The following RIMOC1 variants were observed in gnomAD, a reference collection of about 807,000 sequenced individuals.
RIMOC1 encodes the protein RAB7A-interacting MON1-CCZ1 complex subunit 1.
chr5:41,912,029 A>T, the RIMOC1 span: 1 of 1,174,714 alleles, frequency 8.5e-7, no homozygotes, highest in Non-Finnish European at 1.3e-6. Context: ...ATATCTCTGC[A>T]TATAATACTT....
chr5:41,908,225 A>G, the RIMOC1 span: 1 of 160,674 alleles, frequency 6.2e-6, no homozygotes, highest in South Asian at 1.7e-4. Flanking sequence ...GATTCTCAAT[A>G]TTATTCTCCC....
chr5:41,904,355 G>A, the RIMOC1 span: 4 of 1,612,874 alleles, frequency 2.5e-6, no homozygotes, highest in Non-Finnish European at 1.7e-6. Flanking sequence ...GGGCGCACCC[G>A]CCGATTGTGG....
the RIMOC1 span, chr5:41,916,433 C>G: frequency 1.0e-6 from 1 of 959,784 alleles, no homozygotes; most frequent in East Asian, 1.1e-4. Context: ...CTGCAGCATA[C>G]TCTCTTTTTT....
chr5:41,911,020 T>C, the RIMOC1 span: 3 of 1,597,356 alleles, frequency 1.9e-6, no homozygotes, highest in South Asian at 1.2e-5. Flanking sequence ...TTTCCCTTTT[T>C]AGCTATGTCT....
At chr5:41,907,497 T>C in the RIMOC1 span, among the ~76,000 whole-genome samples, 1 of 152,280 alleles carries the variant, frequency 6.6e-6, no homozygotes, top group Non-Finnish European at 1.5e-5. Flanking sequence ...AGAGTGACTC[T>C]AGAAAGTTTT....
chr5:41,917,210 T>C, the RIMOC1 span: 1 of 1,613,782 alleles, frequency 6.2e-7, no homozygotes, highest in Non-Finnish European at 8.5e-7. Context: ...AAAGTATGTA[T>C]CTGTGTGTGA....
the RIMOC1 span, chr5:41,909,811 T>A: frequency 6.3e-7 from 1 of 1,595,666 alleles, no homozygotes; most frequent in South Asian, 1.2e-5. Flanking sequence ...CTGAAGACTC[T>A]TCTTCACAGA....
At chr5:41,919,391 C>T in the RIMOC1 span, 1 of 152,150 alleles carries the variant, frequency 6.6e-6, no homozygotes, top group African/African-American at 2.4e-5. Flanking sequence ...TTTTGGTAAA[C>T]ATACAAATTC....
At chr5:41,913,571 G>A in the RIMOC1 span, among the ~76,000 whole-genome samples, 1 of 152,280 alleles carries the variant, frequency 6.6e-6, no homozygotes, top group African/African-American at 2.4e-5. Flanking sequence ...TAGATCACAT[G>A]TGTAAACCTT....
chr5:41,909,780 A>G, the RIMOC1 span: 3 of 1,585,296 alleles, frequency 1.9e-6, no homozygotes, highest in Non-Finnish European at 2.6e-6. Flanking sequence ...GAGGAGAACA[A>G]GCTAGTAGAT....
At chr5:41,917,806 A>G in the RIMOC1 span, 1 of 858,014 alleles carries the variant, frequency 1.2e-6, no homozygotes, top group Non-Finnish European at 1.4e-6. Context: ...AATAAGGTAA[A>G]TAATGAAAGA....
At chr5:41,906,390 C>T in the RIMOC1 span, among the ~76,000 whole-genome samples, 3 of 152,158 alleles carry the variant, frequency 2.0e-5, no homozygotes, top group African/African-American at 7.2e-5. Flanking sequence ...TATGCCACCA[C>T]CACACCCCTG....
chr5:41,918,041 G>A, the RIMOC1 span: 1 of 985,412 alleles, frequency 1.0e-6, no homozygotes, highest in Non-Finnish European at 1.2e-6. Flanking sequence ...ATAACATACT[G>A]AAATTTTAAT....
At chr5:41,906,256 C>T in the RIMOC1 span, among the ~76,000 whole-genome samples, 167 of 152,290 alleles carry the variant, frequency 1.1e-3, no homozygotes, top group Non-Finnish European at 2.1e-3. Context: ...GGAAGTACGT[C>T]ATGAGGGAGT....
chr5:41,918,678 GT>G, the RIMOC1 span: 1 of 985,376 alleles, frequency 1.0e-6, no homozygotes, highest in Non-Finnish European at 1.2e-6. Flanking sequence ...CCTTATGTTT[GT>G]TACTAGGGTG....
chr5:41,914,408 G>C, the RIMOC1 span, among the ~76,000 whole-genome samples: 1 of 151,764 alleles, frequency 6.6e-6, no homozygotes, highest in South Asian at 2.1e-4. Flanking sequence ...AGTGAACCAA[G>C]ATCTCACCAC....
chr5:41,912,120 C>T, the RIMOC1 span: 1 of 1,612,174 alleles, frequency 6.2e-7, no homozygotes, highest in Non-Finnish European at 8.5e-7. Context: ...TTATCGATGT[C>T]CTATCCAGTT....
chr5:41,914,724 C>T, the RIMOC1 span, among the ~76,000 whole-genome samples: 3 of 151,904 alleles, frequency 2.0e-5, no homozygotes, highest in Non-Finnish European at 2.9e-5. Context: ...GAGCCCTGAT[C>T]GCACAGCTGC....
chr5:41,904,570 TC>T, the RIMOC1 span: 1 of 1,116,538 alleles, frequency 9.0e-7, no homozygotes, highest in Non-Finnish European at 1.3e-6. Flanking sequence ...TTCCTTTGGG[TC>T]CCAGGCCGCA....
Sources: gnomAD v4.1 joint callset for allele counts (sites outside exome capture counted in the v4.1 genomes callset) on GRCh38, gnomAD v4.1.1 for gene constraint, MANE v1.5 for transcripts, NCBI Gene and HGNC (gene_info 2026-07-23, HGNC 2026-07-21) for gene names.